Variants in PTPRD observed in about 807,000 individuals in gnomAD.
The protein encoded by PTPRD is protein tyrosine phosphatase receptor type D, also known as receptor-type tyrosine-protein phosphatase delta.
PTPRD carries 34 observed loss-of-function variants against 214.5 expected under a neutral mutation model. That is an observed-to-expected ratio of 0.16 (90% CI 0.12 to 0.21). The LOEUF (loss-of-function observed/expected upper bound fraction) is 0.21. Ranked by LOEUF, PTPRD falls within the 10% of genes least tolerant of loss-of-function variation. The probability of loss-of-function intolerance (pLI) is 1.00; values close to 1 mark genes in which losing one functional copy is unlikely to be tolerated. For synonymous variants in PTPRD, 1,128 were observed against 845.7 expected, an observed-to-expected ratio of 1.33 and a Z score of -5.79; for missense variants, 2,545 against 2,398.7, an observed-to-expected ratio of 1.06 and a Z score of -1.27.
At chr9:9,045,934 C>G (rs1337363276) in intron 10 of PTPRD, among the ~76,000 whole-genome samples, 3 of 152,172 alleles carry the variant, frequency 2.0e-5, no homozygotes, top group Non-Finnish European at 4.4e-5. Context: ...CTGCTGAGAT[C>G]GGTTTATCCA....
At chr9:10,201,174 T>C (rs1385899640) in intron 3 of PTPRD, among the ~76,000 whole-genome samples, 2 of 152,008 alleles carry the variant, frequency 1.3e-5, no homozygotes, top group Admixed American at 6.6e-5. Context: ...CATACTCCAA[T>C]GCTTCTGTGA....
At chr9:9,702,555 G>A (rs139741640) in intron 7 of PTPRD, among the ~76,000 whole-genome samples, 9 of 152,302 alleles carry the variant, frequency 5.9e-5, no homozygotes, top group Non-Finnish European at 1.3e-4. Context: ...CAGGTGGATA[G>A]TTAATGAAGC....
chr9:10,321,092 T>C (rs1299860198), intron 3 of PTPRD, among the ~76,000 whole-genome samples: 2 of 152,050 alleles, frequency 1.3e-5, no homozygotes, highest in Admixed American at 6.6e-5. Flanking sequence ...GAAAACAAGA[T>C]AGCCTCCATT....
chr9:9,235,540 G>C (rs927142398), intron 9 of PTPRD, among the ~76,000 whole-genome samples: 4 of 151,996 alleles, frequency 2.6e-5, no homozygotes, highest in African/African-American at 4.8e-5. Context: ...TTTTGTTATA[G>C]GGGAGTCAGC....
At chr9:10,347,222 T>C (rs897982928) in intron 2 of PTPRD, among the ~76,000 whole-genome samples, 1 of 152,194 alleles carries the variant, frequency 6.6e-6, no homozygotes, top group Non-Finnish European at 1.5e-5. Context: ...CCAGAACTAG[T>C]CCTGCCTCTA....
intron 11 of PTPRD, among the ~76,000 whole-genome samples, chr9:8,754,623 A>G: frequency 6.6e-6 from 1 of 152,356 alleles, no homozygotes; most frequent in Middle Eastern, 3.4e-3. Context: ...TAGATGTGAA[A>G]GATAAATAAT....
chr9:9,698,805 C>T (rs1457102239), intron 7 of PTPRD, among the ~76,000 whole-genome samples: 1 of 152,100 alleles, frequency 6.6e-6, no homozygotes, highest in Non-Finnish European at 1.5e-5. Context: ...TACTTGGTGC[C>T]TGGAAGATTT....
At chr9:10,364,779 C>G (rs1253215852) in intron 2 of PTPRD, among the ~76,000 whole-genome samples, 1 of 149,734 alleles carries the variant, frequency 6.7e-6, no homozygotes, top group African/African-American at 2.6e-5. Context: ...TGAGCATATT[C>G]TGCTATAATA....
At chr9:9,908,328 G>A (rs901815037) in intron 5 of PTPRD, among the ~76,000 whole-genome samples, 4 of 151,958 alleles carry the variant, frequency 2.6e-5, no homozygotes, top group Non-Finnish European at 4.4e-5. Context: ...AAGGGGGAGT[G>A]TCAAGGAAGG....
intron 2 of PTPRD, among the ~76,000 whole-genome samples, chr9:10,416,842 G>T (rs2098495083): frequency 6.6e-6 from 1 of 151,846 alleles, no homozygotes; most frequent in East Asian, 2.0e-4. Context: ...TTATAATAGT[G>T]TAGAATTGAT....
At chr9:8,513,438 G>C (rs142435874) in intron 21 of PTPRD, among the ~76,000 whole-genome samples, 3 of 151,990 alleles carry the variant, frequency 2.0e-5, no homozygotes, top group South Asian at 2.1e-4. Context: ...TTTGGAATCC[G>C]GTTTCAAACA....
chr9:9,396,086 T>A (rs929485621), intron 9 of PTPRD, among the ~76,000 whole-genome samples: 1 of 152,044 alleles, frequency 6.6e-6, no homozygotes, highest in East Asian at 1.9e-4. Flanking sequence ...AAAACAGACA[T>A]AGAAGCTAGT....
chr9:9,307,144 G>C (rs1957388807), intron 9 of PTPRD, among the ~76,000 whole-genome samples: 1 of 152,162 alleles, frequency 6.6e-6, no homozygotes, highest in African/African-American at 2.4e-5. Flanking sequence ...CTTTATGGAA[G>C]CTAAACTCGG....
At chr9:9,855,176 A>G (rs1306426979) in intron 5 of PTPRD, among the ~76,000 whole-genome samples, 1 of 152,184 alleles carries the variant, frequency 6.6e-6, no homozygotes, top group Admixed American at 6.5e-5. Flanking sequence ...CTTTTACAAG[A>G]GCAAAGGGTA....
chr9:10,096,791 G>A (rs909220400), intron 3 of PTPRD, among the ~76,000 whole-genome samples: 3 of 151,950 alleles, frequency 2.0e-5, no homozygotes, highest in African/African-American at 7.2e-5. Flanking sequence ...TGCTTTTGGT[G>A]TTTTAGACAT....
At chr9:9,710,954 G>C (rs1331015328) in intron 7 of PTPRD, among the ~76,000 whole-genome samples, 1 of 151,918 alleles carries the variant, frequency 6.6e-6, no homozygotes, top group Non-Finnish European at 1.5e-5. Context: ...CCTAGTCTGA[G>C]AGCGAGCGAG....
At chr9:10,427,376 T>G (rs587752) in intron 2 of PTPRD, among the ~76,000 whole-genome samples, 1 of 152,158 alleles carries the variant, frequency 6.6e-6, no homozygotes, top group African/African-American at 2.4e-5. Context: ...TAATTCCTTT[T>G]AGAAACTTAA....
intron 5 of PTPRD, among the ~76,000 whole-genome samples, chr9:9,833,873 T>C (rs974503759): frequency 5.3e-5 from 8 of 152,118 alleles, no homozygotes; most frequent in Non-Finnish European, 1.2e-4. Flanking sequence ...CAACTGCTGT[T>C]ATCCTGTTCT....
At chr9:9,065,443 G>A (rs551473633) in intron 10 of PTPRD, among the ~76,000 whole-genome samples, 1 of 152,300 alleles carries the variant, frequency 6.6e-6, no homozygotes, top group East Asian at 1.9e-4. Flanking sequence ...CACCAAGGAG[G>A]TCAGTGTGGC....
Sources: allele counts gnomAD v4.1 joint callset (sites outside exome capture counted in the v4.1 genomes callset), GRCh38; gene constraint gnomAD v4.1.1; transcripts MANE v1.5; gene names NCBI Gene and HGNC (gene_info 2026-07-23, HGNC 2026-07-21).